Variants in LOC400499 observed in about 807,000 individuals in gnomAD.
At chr16:11,447,154 G>A in the LOC400499 span, among the ~76,000 whole-genome samples, 2 of 152,174 alleles carry the variant, frequency 1.3e-5, no homozygotes, top group East Asian at 1.9e-4. Flanking sequence ...CCATTTGACA[G>A]CAAAGACCCA....
chr16:11,520,982 T>C, the LOC400499 span, among the ~76,000 whole-genome samples: 5,521 of 152,242 alleles, frequency 0.036, 157 homozygotes, highest in South Asian at 0.049. Context: ...AACAAATGAA[T>C]AAAACTGCAA....
At chr16:11,460,634 C>T in the LOC400499 span, 1 of 1,505,518 alleles carries the variant, frequency 6.6e-7, no homozygotes, top group East Asian at 2.5e-5. Context: ...CCCAGAGACC[C>T]CTGCCCTCCT....
At chr16:11,478,804 G>C in the LOC400499 span, 1 of 397,544 alleles carries the variant, frequency 2.5e-6, no homozygotes, top group Non-Finnish European at 4.4e-6. Flanking sequence ...ACATGCTGTG[G>C]GAAGGACCCT....
chr16:11,406,559 A>T, the LOC400499 span, among the ~76,000 whole-genome samples: 1 of 152,186 alleles, frequency 6.6e-6, no homozygotes, highest in Admixed American at 6.5e-5. Flanking sequence ...CAGCCTCCAA[A>T]GTAGCTGGGA....
the LOC400499 span, among the ~76,000 whole-genome samples, chr16:11,382,722 A>G: frequency 2.6e-5 from 4 of 152,156 alleles, no homozygotes; most frequent in Non-Finnish European, 5.9e-5. Flanking sequence ...AGGCAGGAGA[A>G]CTGCTTGAAC....
chr16:11,477,223 G>T, the LOC400499 span, among the ~76,000 whole-genome samples: 1 of 152,356 alleles, frequency 6.6e-6, no homozygotes, highest in South Asian at 2.1e-4. Context: ...TGAATCCCGG[G>T]TGTCTAAGTC....
the LOC400499 span, chr16:11,440,735 C>T: frequency 2.0e-5 from 8 of 398,926 alleles, no homozygotes; most frequent in Non-Finnish European, 3.5e-5. Context: ...TGGGATGTGA[C>T]GTTGTGATTG....
chr16:11,485,222 G>C, the LOC400499 span: 1 of 397,424 alleles, frequency 2.5e-6, no homozygotes, highest in African/African-American at 2.1e-5. Flanking sequence ...GAGGTTCGGG[G>C]ACACAACCTT....
the LOC400499 span, among the ~76,000 whole-genome samples, chr16:11,429,296 C>T: frequency 6.6e-6 from 1 of 152,102 alleles, no homozygotes; most frequent in Non-Finnish European, 1.5e-5. Flanking sequence ...CTGCTCTGGC[C>T]CTGTGACGTG....
chr16:11,457,162 G>A, the LOC400499 span: 1 of 904,286 alleles, frequency 1.1e-6, no homozygotes, highest in Admixed American at 3.0e-5. Context: ...ACGGGCAACG[G>A]GAGTGGAACG....
the LOC400499 span, chr16:11,488,926 C>G: frequency 1.0e-5 from 4 of 398,312 alleles, no homozygotes; most frequent in African/African-American, 8.2e-5. Flanking sequence ...GGAGCTGGCG[C>G]TGTCCAGAGA....
the LOC400499 span, among the ~76,000 whole-genome samples, chr16:11,389,685 CA>C: frequency 3.8e-3 from 225 of 59,048 alleles, no homozygotes; most frequent in South Asian, 9.6e-3. Flanking sequence ...AACTCCATCT[CA>C]AAAAAAAAAA....
At chr16:11,384,045 G>C in the LOC400499 span, 39 of 1,231,652 alleles carry the variant, frequency 3.2e-5, no homozygotes, top group Non-Finnish European at 3.9e-5. Flanking sequence ...CCTCCTGCTG[G>C]ACCATGTGGC....
the LOC400499 span, among the ~76,000 whole-genome samples, chr16:11,481,029 T>C: frequency 6.6e-6 from 1 of 152,212 alleles, no homozygotes; most frequent in African/African-American, 2.4e-5. Flanking sequence ...TAGTTAGGAA[T>C]GGAGTACTGA....
the LOC400499 span, chr16:11,447,026 C>A: frequency 8.1e-7 from 1 of 1,240,186 alleles, no homozygotes; most frequent in Non-Finnish European, 1.1e-6. Flanking sequence ...AGTTAAGACT[C>A]TGCCACAGAG....
chr16:11,493,588 T>A, the LOC400499 span: 3 of 394,878 alleles, frequency 7.6e-6, no homozygotes, highest in Middle Eastern at 1.9e-3. Flanking sequence ...CAAACTGTGG[T>A]TCGAGACCCA....
chr16:11,385,504 G>T, the LOC400499 span: 30 of 952,220 alleles, frequency 3.2e-5, no homozygotes, highest in Admixed American at 4.3e-5. Context: ...TGCCCCGGAT[G>T]CCTAGAGCTT....
At chr16:11,512,441 A>G in the LOC400499 span, among the ~76,000 whole-genome samples, 2 of 152,016 alleles carry the variant, frequency 1.3e-5, no homozygotes, top group African/African-American at 2.4e-5. Context: ...CATCTCTACT[A>G]AAAACACAAA....
chr16:11,379,931 G>C, the LOC400499 span, among the ~76,000 whole-genome samples: 1 of 152,028 alleles, frequency 6.6e-6, no homozygotes, highest in Non-Finnish European at 1.5e-5. Flanking sequence ...TGACAGCTCT[G>C]TCCCCCTCCT....
Sources: allele counts gnomAD v4.1 joint callset (sites outside exome capture counted in the v4.1 genomes callset), GRCh38; gene constraint gnomAD v4.1.1; transcripts MANE v1.5.